The following LCP2 variants were observed in gnomAD, a reference collection of about 807,000 sequenced individuals.
The protein encoded by LCP2 is 76 kDa tyrosine phosphoprotein.
A neutral mutation model predicts 74.5 loss-of-function variants in LCP2; 29 were observed. The ratio of observed to expected loss-of-function variants is 0.39; its 90% CI spans 0.29 to 0.53. The LOEUF (loss-of-function observed/expected upper bound fraction) is 0.53, where lower values mean the gene tolerates loss of function less well. Ranked by LOEUF, LCP2 falls within the 20% of genes least tolerant of loss-of-function variation. The pLI is 0.72. For missense variants in LCP2, 604 were observed against 634.6 expected (o/e 0.95, Z 0.52); for synonymous variants, 228 against 229.5 (o/e 0.99, Z 0.06).
chr5:170,257,737 G>C (rs953629630), intron 16 of LCP2, among the ~76,000 whole-genome samples: 4 of 152,108 alleles, frequency 2.6e-5, no homozygotes, highest in African/African-American at 9.7e-5. Flanking sequence ...ATTGTTGTTT[G>C]TTTGAACTCA....
chr5:170,287,226 T>C (rs1031431884), intron 3 of LCP2, among the ~76,000 whole-genome samples: 7 of 152,218 alleles, frequency 4.6e-5, no homozygotes, highest in African/African-American at 9.7e-5. Flanking sequence ...TTATTTTTCT[T>C]ATAATGGAGA....
chr5:170,268,147 TAC>T (rs921536007), intron 8 of LCP2, among the ~76,000 whole-genome samples: 1 of 152,140 alleles, frequency 6.6e-6, no homozygotes, highest in Non-Finnish European at 1.5e-5. Flanking sequence ...GGGTTTATTT[TAC>T]AGTTTTCACT....
At chr5:170,250,687 TA>T in intron 20 of LCP2, 42 bp downstream of exon 20, 1 of 1,550,990 alleles carries the variant, frequency 6.4e-7, no homozygotes, top group African/African-American at 1.4e-5. Flanking sequence ...CAGAGTGGCA[TA>T]AATAAAGACT....
chr5:170,284,278 C>A (rs958518730), intron 3 of LCP2, among the ~76,000 whole-genome samples: 1 of 152,164 alleles, frequency 6.6e-6, no homozygotes, highest in Non-Finnish European at 1.5e-5. Flanking sequence ...TTTTAAAAAG[C>A]ACCTGTGGCA....
intron 10 of LCP2, 95 bp downstream of exon 10, chr5:170,266,713 A>G (rs1008509716): frequency 9.6e-7 from 1 of 1,041,202 alleles, no homozygotes; most frequent in Non-Finnish European, 1.5e-6. Context: ...TATTGTGGCC[A>G]TAGTTAAATG....
At position 170,252,437 on chromosome 5, in the gene LCP2, G is replaced by C. The variant is rs781380192; in HGVS notation, c.1320C>G (p.Asn440Lys). The C allele has an allele frequency of 1.3e-6, 2 of 1,545,168 alleles. No individual in the cohort carries two copies. The highest frequency in any genetic ancestry group is 1.8e-6 in the Non-Finnish European group (2 of 1,122,524). ...PEAEAALRKI[N>K]QDGTFLVRDS... ...AAAATAAACTATAGCACAATACCTG[G>C]TTTATCTTTCTAAGAGCAGCTTCTG... The change falls in exon 19 of 21, where the codon AAC (asparagine) becomes AAG (lysine). Residue 440 changes from asparagine (N) to lysine (K), a missense_variant. Transcript: ENST00000046794.
In LCP2 at chr5:170,256,260, ATGCATGTGTGTGTGTGCATGTATATG is replaced by A. The variant is rs1761548969; in HGVS notation, c.1150+240_1150+265del. 6.6e-6 allele frequency among the ~76,000 whole-genome samples: 1 copy of A among 152,070 alleles called. No individual in the cohort carries two copies. The highest frequency in any genetic ancestry group is 1.5e-5 in the Non-Finnish European group (1 of 68,016). ...CACATGTATATATGTGTACATGTGTATGCATGTGTGTGTGTGCATGTATATGTGCATGTGTGTATGGGCATGTATAT... is the reference window on the plus strand; with the variant it reads ...CACATGTATATATGTGTACATGTGTATGCATGTGTGTATGGGCATGTATAT... On this transcript the variant is annotated intron_variant, in intron 17 of 20. Transcript: ENST00000046794. This position sits in a 1 kb window ranked among gnomAD's most constrained non-coding sequence, Gnocchi z 4.5.
chr5:170,296,008 T>G (rs1374303821), intron 1 of LCP2, among the ~76,000 whole-genome samples: 1 of 152,172 alleles, frequency 6.6e-6, no homozygotes, highest in Non-Finnish European at 1.5e-5. Context: ...CTCAATTGGA[T>G]TGTATAATTC....
In LCP2 at chr5:170,253,217, CA is replaced by C. The variant is rs1761486107; in HGVS notation, c.1151-5del. ...ATAGGTGGTCTGTTGCTAGGGCCTT[CA>C]AAAGTATAGAATTCTGACAGTTAAT... On this transcript the variant is annotated splice_region_variant and splice_polypyrimidine_tract_variant and intron_variant, in intron 17 of 20. Transcript: ENST00000046794. 4 of 1,582,600 alleles carry C rather than the reference CA, an allele frequency of 2.5e-6. No homozygotes were observed. Among genetic ancestry groups the C allele is most frequent in the Non-Finnish European group, 3.5e-6 (4 of 1,159,074 alleles).
In LCP2 at chr5:170,256,296, G is replaced by T. The variant is rs375800574; in HGVS notation, c.1150+230C>A. 3.3e-5 allele frequency among the ~76,000 whole-genome samples: 5 copies of T among 152,268 alleles called. No individual in the cohort carries two copies. The highest frequency in any genetic ancestry group is 6.8e-3 in the Middle Eastern group (2 of 294). On this transcript the variant is annotated intron_variant, in intron 17 of 20. Coordinates refer to ENST00000046794, the MANE Select transcript of LCP2 (RefSeq NM_005565.5). This position sits in a 1 kb window ranked among gnomAD's most constrained non-coding sequence, Gnocchi z 4.5. Reference sequence around the variant, plus strand: ...TGTGTGCATGTATATGTGCATGTGTGTATGGGCATGTATATGTATACGTGT... The same window carrying T: ...TGTGTGCATGTATATGTGCATGTGTTTATGGGCATGTATATGTATACGTGT...
At position 170,250,841 on chromosome 5, in the gene LCP2, GGTT is replaced by G; in HGVS notation, c.1365_1367del (p.Thr456del). 1 of 1,613,038 alleles carries G rather than the reference GGTT, an allele frequency of 6.2e-7. No individual in the cohort carries two copies. Among genetic ancestry groups the G allele is most frequent in the Non-Finnish European group, 8.5e-7 (1 of 1,179,074 alleles). ...ACAACACCATGAGGACATATGGATT[GGTT>G]GTTGTTTTTTTAGAGCTGTCTCTGA... On this transcript the variant is annotated inframe_deletion, in exon 20 of 21. Coordinates refer to ENST00000046794, the MANE Select transcript of LCP2 (RefSeq NM_005565.5).
intron 20 of LCP2, among the ~76,000 whole-genome samples, chr5:170,249,021 TAGATAA>T (rs570445795): frequency 6.6e-6 from 1 of 152,066 alleles, no homozygotes; most frequent in Non-Finnish European, 1.5e-5. Flanking sequence ...CAACAAACCA[TAGATAA>T]AGATAAAATA....
At position 170,261,153 on chromosome 5, in the gene LCP2, G is replaced by A; in HGVS notation, c.927-16C>T. 1 of 1,589,810 alleles carries A rather than the reference G, an allele frequency of 6.3e-7. No individual in the cohort carries two copies. Among genetic ancestry groups the A allele is most frequent in the Non-Finnish European group, 8.6e-7 (1 of 1,158,864 alleles). ...CCATCCATGCCTGAAATGAATTAGGGCAAATAAAAAGAACTGAGCATGAAG... is the reference window on the plus strand; with the variant it reads ...CCATCCATGCCTGAAATGAATTAGGACAAATAAAAAGAACTGAGCATGAAG... On this transcript the variant is annotated splice_polypyrimidine_tract_variant and intron_variant, in intron 13 of 20. Transcript: ENST00000046794.
In LCP2 at chr5:170,268,657, A is replaced by G. The variant is rs576891018; in HGVS notation, c.524-175T>C. On this transcript the variant is annotated intron_variant, in intron 7 of 20. Coordinates refer to ENST00000046794, the MANE Select transcript of LCP2 (RefSeq NM_005565.5). ...GGATCTCACCCACCCCTCCCTGCCC[A>G]TTTTTTCTGTCCTAGTTTGTGTCAC... is the stretch of plus-strand genomic sequence containing the variant. 2.1e-5 allele frequency among the ~76,000 whole-genome samples: 3 copies of G among 144,272 alleles called. No homozygotes were observed. The South Asian group carries it at 6.5e-4, about 31-fold the overall frequency. 94.6% of individuals were successfully genotyped at this position (144,272 alleles called of 152,430 possible). A position where few individuals can be genotyped will look rare whatever the true frequency, so the allele number is the denominator to read the frequency against.
chr5:170,295,929 C>T (rs1762373387), intron 1 of LCP2, among the ~76,000 whole-genome samples: 1 of 152,134 alleles, frequency 6.6e-6, no homozygotes, highest in Admixed American at 6.6e-5. Context: ...TGAGGTCTTC[C>T]TGTACCATCC....
At chr5:170,281,619 T>C (rs1261901761) in intron 3 of LCP2, among the ~76,000 whole-genome samples, 1 of 152,172 alleles carries the variant, frequency 6.6e-6, no homozygotes, top group Non-Finnish European at 1.5e-5. Flanking sequence ...CTGCGTCCCT[T>C]CCTCCACACC....
intron 3 of LCP2, among the ~76,000 whole-genome samples, chr5:170,280,305 G>T (rs958041810): frequency 6.6e-6 from 1 of 151,882 alleles, no homozygotes; most frequent in Non-Finnish European, 1.5e-5. Context: ...CTCTCAGTGG[G>T]ACCCTGGAAC....
At chr5:170,271,913 A>C (rs1304920839) in intron 6 of LCP2, among the ~76,000 whole-genome samples, 1 of 152,196 alleles carries the variant, frequency 6.6e-6, no homozygotes, top group African/African-American at 2.4e-5. Context: ...TTCTGTTGAG[A>C]GAGTCCTGTG....
chr5:170,265,074 G>A (rs1761727500), intron 10 of LCP2, among the ~76,000 whole-genome samples: 1 of 140,526 alleles, frequency 7.1e-6, no homozygotes, highest in Non-Finnish European at 1.5e-5. Flanking sequence ...TGCAAGCTCT[G>A]CCTCCCAGGT....
Sources: gnomAD v4.1 joint callset for allele counts (sites outside exome capture counted in the v4.1 genomes callset) on GRCh38, gnomAD v4.1.1 for gene constraint, Gnocchi (gnomAD v3.1) non-coding constraint, MANE v1.5 for transcripts, NCBI Gene and HGNC (gene_info 2026-07-23, HGNC 2026-07-21) for gene names.